Variants in ACTR3 observed in about 807,000 individuals in gnomAD.
ACTR3 encodes the protein actin-related protein 3.
Under a neutral mutation model 56.8 loss-of-function variants are expected in ACTR3, and 12 were observed. The observed-to-expected ratio is 0.21, with a 90% CI of 0.14 to 0.34. The LOEUF (loss-of-function observed/expected upper bound fraction) is 0.34. Ranked by LOEUF, ACTR3 falls within the 10% of genes least tolerant of loss-of-function variation. The pLI is 1.00. For missense variants in ACTR3, 282 were observed against 512.5 expected (o/e 0.55, Z 4.34); for synonymous variants, 162 against 167.4 (o/e 0.97, Z 0.25).
rs1382942935 is a variant in ACTR3 at position 113,961,772 on chromosome 2, TAGTA to T, written c.*4321_*4324del. Reference sequence around the variant, plus strand: ...TTTTGCCTAGATAAGATTTGAGAGATAGTAAGTGCGGAATTTCTCTTCATAAAAA... The same window carrying T: ...TTTTGCCTAGATAAGATTTGAGAGATAGTGCGGAATTTCTCTTCATAAAAA... On this transcript the variant is annotated 3_prime_UTR_variant, in exon 12 of 12. Coordinates refer to ENST00000263238, the MANE Select transcript of ACTR3 (RefSeq NM_005721.5). 3.9e-5 allele frequency: 6 copies of T among 151,964 alleles called. No individual in the cohort carries two copies. The highest frequency in any genetic ancestry group is 7.4e-5 in the Non-Finnish European group (5 of 67,878). 9.4% of individuals were successfully genotyped at this position (151,964 alleles called of 1,614,324 possible).
chr2:113,912,685 A>G (rs944835350), intron 1 of ACTR3, among the ~76,000 whole-genome samples: 1 of 152,062 alleles, frequency 6.6e-6, no homozygotes, highest in Non-Finnish European at 1.5e-5. Flanking sequence ...ACTCCTCCCC[A>G]TTAGTTTTAT....
At chr2:113,953,882 A>G (rs1440252556) in intron 10 of ACTR3, 2 of 152,230 alleles carry the variant, frequency 1.3e-5, no homozygotes, top group East Asian at 3.8e-4. Flanking sequence ...AAGGAAAACA[A>G]AATACCTTCT....
intron 1 of ACTR3, among the ~76,000 whole-genome samples, chr2:113,895,592 C>G (rs760202124): frequency 3.3e-5 from 5 of 152,176 alleles, no homozygotes. Flanking sequence ...CAAGGGCTAA[C>G]TTTGCAGAAA....
At chr2:113,907,841 G>A (rs749856989) in intron 1 of ACTR3, among the ~76,000 whole-genome samples, 4 of 151,614 alleles carry the variant, frequency 2.6e-5, no homozygotes, top group African/African-American at 7.3e-5. Flanking sequence ...GCATGGTGGC[G>A]CATGCCTGTA....
chr2:113,896,453 A>G (rs1679010195), intron 1 of ACTR3, among the ~76,000 whole-genome samples: 2 of 152,248 alleles, frequency 1.3e-5, no homozygotes, highest in African/African-American at 2.4e-5. Context: ...TGGATTGTAA[A>G]TAGGCATCAA....
In ACTR3 at chr2:113,946,657, C is replaced by CT. The variant is rs1680025951; in HGVS notation, c.858+4299dup. Among the ~76,000 whole-genome samples, 13 of 152,236 alleles carry CT rather than the reference C, an allele frequency of 8.5e-5. No homozygotes were observed. The South Asian group carries it at 2.7e-3, about 32-fold the overall frequency. On this transcript the variant is annotated intron_variant, in intron 8 of 11. Coordinates refer to ENST00000263238, the MANE Select transcript of ACTR3 (RefSeq NM_005721.5). The stretch of plus-strand genomic sequence containing the variant: ...GATTTTCTCCCATTCTGTAGGTTGT[C>CT]TGTTTACTCTGCTGATAGTTTCTTT...
chr2:113,890,042 G>A (rs1678852585), upstream of ACTR3: 1 of 595,438 alleles, frequency 1.7e-6, no homozygotes, highest in Non-Finnish European at 3.0e-6. Flanking sequence ...AAGAGAGAGG[G>A]GGAGGAGGCC....
At chr2:113,921,302 T>C (rs1419190404) in intron 3 of ACTR3, among the ~76,000 whole-genome samples, 1 of 151,980 alleles carries the variant, frequency 6.6e-6, no homozygotes, top group East Asian at 1.9e-4. Context: ...TTATTTGCCC[T>C]TTTAAAAAAA....
chr2:113,952,096 T>C (rs1209256380), intron 10 of ACTR3: 1 of 387,908 alleles, frequency 2.6e-6, no homozygotes, highest in Admixed American at 3.9e-5. Flanking sequence ...TAAATACCTC[T>C]CTCATAGATA....
At chr2:113,912,154 G>A (rs1389730710) in intron 1 of ACTR3, among the ~76,000 whole-genome samples, 3 of 151,988 alleles carry the variant, frequency 2.0e-5, no homozygotes, top group African/African-American at 7.2e-5. Flanking sequence ...AGTGTTACAG[G>A]TGTGAGCCAC....
At chr2:113,908,266 T>G (rs1297364656) in intron 1 of ACTR3, among the ~76,000 whole-genome samples, 2 of 149,312 alleles carry the variant, frequency 1.3e-5, no homozygotes, top group Non-Finnish European at 3.0e-5. Flanking sequence ...TTTTTTTTTT[T>G]GTCAAAGAAA....
chr2:113,926,063 T>C (rs1271257505), intron 3 of ACTR3, among the ~76,000 whole-genome samples: 1 of 152,190 alleles, frequency 6.6e-6, no homozygotes, highest in Non-Finnish European at 1.5e-5. Flanking sequence ...GACACTTAAA[T>C]TGGAAACGTT....
At chr2:113,908,061 G>A (rs977000237) in intron 1 of ACTR3, among the ~76,000 whole-genome samples, 1 of 150,802 alleles carries the variant, frequency 6.6e-6, no homozygotes, top group African/African-American at 2.4e-5. Flanking sequence ...TCTTTAGAGA[G>A]CAACAAACAT....
In ACTR3 at chr2:113,912,683, C is replaced by T. The variant is rs546632926; in HGVS notation, c.45-489C>T. On this transcript the variant is annotated intron_variant, in intron 1 of 11. Coordinates refer to ENST00000263238, the MANE Select transcript of ACTR3 (RefSeq NM_005721.5). Reference sequence around the variant, plus strand: ...ATATTTCATATGTTTTTACTCCTCCCCATTAGTTTTATACAGATATACCAT... The same window carrying T: ...ATATTTCATATGTTTTTACTCCTCCTCATTAGTTTTATACAGATATACCAT... Among the ~76,000 whole-genome samples the T allele has an allele frequency of 5.6e-4, 85 of 152,186 alleles. 1 individual carries two copies. The highest frequency in any genetic ancestry group is 7.4e-5 in the Non-Finnish European group (5 of 67,986).
At position 113,959,583 on chromosome 2, in the gene ACTR3, C is replaced by G. The variant is rs953065089; in HGVS notation, c.*2128C>G. On this transcript the variant is annotated 3_prime_UTR_variant, in exon 12 of 12. Coordinates refer to ENST00000263238, the MANE Select transcript of ACTR3 (RefSeq NM_005721.5). ...CTTATTTGGGGAAACAAAACTCCAG[C>G]CCTTCTTGTGTATGTTCTGATATCC... The G allele has an allele frequency of 6.6e-6, 1 of 152,026 alleles. No individual in the cohort carries two copies. Among genetic ancestry groups the G allele is most frequent in the African/African-American group, 2.4e-5 (1 of 41,430 alleles). 9.4% of individuals were successfully genotyped at this position (152,026 alleles called of 1,614,324 possible).
intron 3 of ACTR3, among the ~76,000 whole-genome samples, chr2:113,926,032 G>A (rs1016475626): frequency 6.6e-6 from 1 of 152,068 alleles, no homozygotes; most frequent in African/African-American, 2.4e-5. Flanking sequence ...AGGCAACTTA[G>A]TAGCCACTTG....
intron 8 of ACTR3, among the ~76,000 whole-genome samples, chr2:113,946,896 T>G (rs1680032680): frequency 2.0e-5 from 3 of 152,228 alleles, no homozygotes; most frequent in African/African-American, 7.2e-5. Context: ...TGGGTCTCAT[T>G]CTATATAGAG....
intron 3 of ACTR3, among the ~76,000 whole-genome samples, chr2:113,926,793 A>ACATC (rs1679629037): frequency 6.6e-6 from 1 of 152,240 alleles, no homozygotes; most frequent in South Asian, 2.1e-4. Flanking sequence ...GGAACACACC[A>ACATC]CATCCAAATC....
intron 1 of ACTR3, among the ~76,000 whole-genome samples, chr2:113,911,450 T>G (rs1350377434): frequency 1.3e-5 from 2 of 149,506 alleles, no homozygotes; most frequent in Non-Finnish European, 3.0e-5. Context: ...GACGAAGTCT[T>G]GCTTTATCAC....
Sources: gnomAD v4.1 joint callset for allele counts (sites outside exome capture counted in the v4.1 genomes callset) on GRCh38, gnomAD v4.1.1 for gene constraint, MANE v1.5 for transcripts, NCBI Gene and HGNC (gene_info 2026-07-23, HGNC 2026-07-21) for gene names.